Variants in AP3B1 observed in about 807,000 individuals in gnomAD.
AP3B1 encodes the protein AP-3 complex subunit beta-1.
In AP3B1, 61 loss-of-function variants were observed where a neutral mutation model predicts 132.5. That is an observed-to-expected ratio of 0.46 (90% CI 0.37 to 0.57). The LOEUF (loss-of-function observed/expected upper bound fraction) is 0.57. AP3B1 is among the 20% of genes least tolerant of loss of function. The pLI is 0.00. For missense variants in AP3B1, 1,120 were observed against 1,289.4 expected, an observed-to-expected ratio of 0.87 and a Z score of 2.01; for synonymous variants, 388 against 438.3, an observed-to-expected ratio of 0.89 and a Z score of 1.43.
chr5:78,095,804 AAG>A lies in AP3B1; in HGVS notation c.2470+5147_2470+5148del, dbSNP rs1393907878. Among the ~76,000 whole-genome samples, 6 of 152,340 alleles carry A rather than the reference AAG, an allele frequency of 3.9e-5. No individual in the cohort carries two copies. In the East Asian group the frequency reaches 5.8e-4, roughly 15 times the overall value. ...ACACAGGCTGAACTGACTTGTTAACAAGAGAGTTTCAAGTGTCGTTTCTGACA... is the reference window on the plus strand; with the variant it reads ...ACACAGGCTGAACTGACTTGTTAACAAGAGTTTCAAGTGTCGTTTCTGACA... On this transcript the variant is annotated intron_variant, in intron 21 of 26. Transcript: ENST00000255194.
chr5:78,193,762 A>AT (rs1561469558), intron 7 of AP3B1, among the ~76,000 whole-genome samples: 1 of 107,896 alleles, frequency 9.3e-6, no homozygotes, highest in Non-Finnish European at 1.9e-5. Context: ...ATATATATAT[A>AT]TATATATATT....
intron 1 of AP3B1, among the ~76,000 whole-genome samples, chr5:78,269,792 G>A (rs961154962): frequency 1.3e-5 from 2 of 152,170 alleles, no homozygotes; most frequent in African/African-American, 4.8e-5. Flanking sequence ...ATTGAGAACC[G>A]TGACGGAACA....
At chr5:78,271,967 T>C (rs1268469903) in intron 1 of AP3B1, among the ~76,000 whole-genome samples, 2 of 152,216 alleles carry the variant, frequency 1.3e-5, no homozygotes, top group African/African-American at 2.4e-5. Flanking sequence ...TTCCAGGCTC[T>C]AACAATTCTA....
intron 7 of AP3B1, among the ~76,000 whole-genome samples, chr5:78,189,523 A>G (rs1744739307): frequency 6.6e-6 from 1 of 152,160 alleles, no homozygotes; most frequent in Non-Finnish European, 1.5e-5. Context: ...CATAACATAC[A>G]TGGTTCACAA....
At chr5:78,176,303 C>A (rs909854356) in intron 9 of AP3B1, among the ~76,000 whole-genome samples, 2 of 150,874 alleles carry the variant, frequency 1.3e-5, no homozygotes, top group Non-Finnish European at 3.0e-5. Flanking sequence ...TGTGAAAGAC[C>A]AATTCCAGGT....
rs1009254384 is a variant in AP3B1 at position 78,113,930 on chromosome 5, A to T, written c.2078-7T>A. 1 of 1,613,864 alleles carries T rather than the reference A, an allele frequency of 6.2e-7. No homozygotes were observed. ...TCACTTCCAGATTCACTCTCTGAAA[A>T]ACAGAACCAGATGTTCTTAGATTTA... On this transcript the variant is annotated splice_polypyrimidine_tract_variant and splice_region_variant and intron_variant, in intron 18 of 26. Transcript: ENST00000255194.
chr5:78,185,091 A>G (rs1744548136), intron 7 of AP3B1, among the ~76,000 whole-genome samples: 1 of 152,222 alleles, frequency 6.6e-6, no homozygotes, highest in Non-Finnish European at 1.5e-5. Context: ...GAACTATCAA[A>G]AGAGAATCTT....
At chr5:78,251,318 A>G (rs959069599) in intron 2 of AP3B1, among the ~76,000 whole-genome samples, 1 of 152,198 alleles carries the variant, frequency 6.6e-6, no homozygotes, top group Non-Finnish European at 1.5e-5. Flanking sequence ...AGGACAAAAA[A>G]GTTAACAACT....
chr5:78,250,978 G>A (rs1437188759), intron 2 of AP3B1, among the ~76,000 whole-genome samples: 3 of 152,068 alleles, frequency 2.0e-5, no homozygotes, highest in Non-Finnish European at 4.4e-5. Context: ...GGCAAACAGA[G>A]GATGGATCCA....
chr5:78,021,423 TG>T (rs959667694), intron 24 of AP3B1, among the ~76,000 whole-genome samples: 6 of 152,176 alleles, frequency 3.9e-5, no homozygotes, highest in Non-Finnish European at 8.8e-5. Flanking sequence ...CAACCTTGTT[TG>T]TTCTAATATC....
intron 1 of AP3B1, among the ~76,000 whole-genome samples, chr5:78,272,876 A>C (rs997297818): frequency 3.3e-5 from 5 of 152,168 alleles, no homozygotes; most frequent in African/African-American, 1.2e-4. Context: ...AACACAGGAG[A>C]GTCATGATCT....
chr5:78,225,012 T>C (rs965272731), intron 6 of AP3B1, among the ~76,000 whole-genome samples: 9 of 152,084 alleles, frequency 5.9e-5, no homozygotes, highest in Non-Finnish European at 1.2e-4. Flanking sequence ...ATCAAATGTT[T>C]ATTGAACATT....
At chr5:78,236,885 C>T (rs535000322) in intron 3 of AP3B1, among the ~76,000 whole-genome samples, 5 of 152,084 alleles carry the variant, frequency 3.3e-5, no homozygotes, top group African/African-American at 1.2e-4. Flanking sequence ...GATATCATGG[C>T]CATAAGGTGT....
chr5:78,250,525 C>T (rs1747585735), intron 2 of AP3B1, among the ~76,000 whole-genome samples: 1 of 152,004 alleles, frequency 6.6e-6, no homozygotes, highest in Non-Finnish European at 1.5e-5. Flanking sequence ...GAATTTAGAG[C>T]CTACAACAGA....
At chr5:78,008,031 G>T (rs1170700439) in intron 26 of AP3B1, among the ~76,000 whole-genome samples, 1 of 152,096 alleles carries the variant, frequency 6.6e-6, no homozygotes. Context: ...TTCAGAGATG[G>T]TATAAAAAAA....
At chr5:78,278,721 G>T (rs1006257787) in intron 1 of AP3B1, among the ~76,000 whole-genome samples, 4 of 151,702 alleles carry the variant, frequency 2.6e-5, no homozygotes, top group Admixed American at 2.6e-4. Context: ...CCCATCTGTG[G>T]CTTGTTAGAA....
chr5:78,142,719 AAC>A (rs1356742021), intron 14 of AP3B1, among the ~76,000 whole-genome samples: 2 of 152,160 alleles, frequency 1.3e-5, no homozygotes, highest in African/African-American at 4.8e-5. Context: ...TATATTTTAA[AAC>A]AGTGTAACAG....
chr5:78,192,883 T>C (rs906870358), intron 7 of AP3B1, among the ~76,000 whole-genome samples: 1 of 152,150 alleles, frequency 6.6e-6, no homozygotes, highest in South Asian at 2.1e-4. Context: ...AGAGCCTTGA[T>C]CCCGTACTCC....
chr5:78,289,636 T>C (rs1419495396), intron 1 of AP3B1, among the ~76,000 whole-genome samples: 2 of 152,212 alleles, frequency 1.3e-5, no homozygotes, highest in Admixed American at 1.3e-4. Context: ...CTACAACTCC[T>C]GACATAGCTG....
Sources: gnomAD v4.1 joint callset for allele counts (sites outside exome capture counted in the v4.1 genomes callset) on GRCh38, gnomAD v4.1.1 for gene constraint, MANE v1.5 for transcripts, NCBI Gene and HGNC (gene_info 2026-07-23, HGNC 2026-07-21) for gene names.